Variants in ST7 observed in about 807,000 individuals in gnomAD.
The protein encoded by ST7 is suppression of tumorigenicity 7, also known as suppressor of tumorigenicity 7 protein.
A neutral mutation model predicts 78.7 loss-of-function variants in ST7; 28 were observed. The observed-to-expected ratio is 0.36, with a 90% CI of 0.26 to 0.49. The LOEUF (loss-of-function observed/expected upper bound fraction) is 0.49, where lower values mean the gene tolerates loss of function less well. ST7 is among the 20% of genes least tolerant of loss of function. The pLI, the probability that ST7 is intolerant of heterozygous loss-of-function variation, is 0.99. For synonymous variants in ST7, 247 were observed against 249.6 expected, an observed-to-expected ratio of 0.99 and a Z score of 0.10; for missense variants, 418 against 696.0, an observed-to-expected ratio of 0.60 and a Z score of 4.49.
chr7:116,962,770 G>A (rs1182106367), intron 1 of ST7, among the ~76,000 whole-genome samples: 1 of 152,138 alleles, frequency 6.6e-6, no homozygotes, highest in African/African-American at 2.4e-5. Context: ...CTTTTGCTGT[G>A]CAGAAGCTCT....
intron 1 of ST7, among the ~76,000 whole-genome samples, chr7:117,092,533 G>A (rs1049885783): frequency 2.6e-5 from 4 of 152,126 alleles, no homozygotes; most frequent in Non-Finnish European, 2.9e-5. Context: ...AATGAGGAAG[G>A]GCAGAAGTAA....
intron 2 of ST7, among the ~76,000 whole-genome samples, chr7:117,117,207 TA>T (rs1408217060): frequency 6.6e-6 from 1 of 152,204 alleles, no homozygotes; most frequent in African/African-American, 2.4e-5. Context: ...AGGTCCTTTT[TA>T]GCGCTGACAC....
At chr7:117,011,435 G>A (rs990294088) in intron 1 of ST7, among the ~76,000 whole-genome samples, 4 of 152,206 alleles carry the variant, frequency 2.6e-5, no homozygotes, top group African/African-American at 9.7e-5. Context: ...TTAAAGTAGA[G>A]TCCAAGATTA....
chr7:116,966,198 C>T, intron 1 of ST7: 2 of 293,890 alleles, frequency 6.8e-6, no homozygotes, highest in South Asian at 3.2e-5. Context: ...TTATTTGTTG[C>T]AGTTATTAAT....
chr7:117,213,291 C>T (rs1269083266), intron 13 of ST7, among the ~76,000 whole-genome samples: 1 of 152,176 alleles, frequency 6.6e-6, no homozygotes, highest in African/African-American at 2.4e-5. Flanking sequence ...TTCCCCAACT[C>T]CCTTCCAACT....
intron 15 of ST7, among the ~76,000 whole-genome samples, chr7:117,225,169 T>C (rs1348242504): frequency 6.6e-6 from 1 of 152,208 alleles, no homozygotes; most frequent in Non-Finnish European, 1.5e-5. Flanking sequence ...GCCGTACAGC[T>C]GTGCTTCCAG....
chr7:117,048,190 T>C (rs1190493998), intron 1 of ST7, among the ~76,000 whole-genome samples: 1 of 152,084 alleles, frequency 6.6e-6, no homozygotes, highest in Non-Finnish European at 1.5e-5. Flanking sequence ...GAGTTGATCT[T>C]GCTGTCTCAG....
chr7:117,223,051 C>G (rs929072395), intron 15 of ST7: 4 of 1,111,242 alleles, frequency 3.6e-6, no homozygotes, highest in African/African-American at 1.5e-5. Flanking sequence ...GCCATCCACC[C>G]CGTTGCTCAA....
At chr7:117,025,631 A>G (rs1279131701) in intron 1 of ST7, among the ~76,000 whole-genome samples, 2 of 152,206 alleles carry the variant, frequency 1.3e-5, no homozygotes, top group Non-Finnish European at 2.9e-5. Flanking sequence ...CAGACTGCTG[A>G]AGTCACAAAC....
At chr7:117,176,698 A>T (rs1808366673) in intron 10 of ST7, among the ~76,000 whole-genome samples, 1 of 152,170 alleles carries the variant, frequency 6.6e-6, no homozygotes, top group African/African-American at 2.4e-5. Context: ...AATAGGAAGG[A>T]TGTGAGATGT....
intron 1 of ST7, among the ~76,000 whole-genome samples, chr7:117,003,890 G>T (rs982610382): frequency 6.6e-6 from 1 of 152,162 alleles, no homozygotes; most frequent in African/African-American, 2.4e-5. Flanking sequence ...GGGTGTCTTT[G>T]CAGGGTGACT....
At chr7:117,045,510 C>T (rs865927394) in intron 1 of ST7, among the ~76,000 whole-genome samples, 8 of 152,244 alleles carry the variant, frequency 5.3e-5, no homozygotes, top group East Asian at 1.9e-4. Flanking sequence ...TTTGAGCAAA[C>T]GGTATCTTCT....
rs549428102 is a variant in ST7, at chr7:117,023,633, G to A, written c.151+69942G>A. Among the ~76,000 whole-genome samples the A allele has an allele frequency of 1.7e-3, 257 of 152,306 alleles. 1 individual carries two copies. The highest frequency in any genetic ancestry group is 5.7e-3 in the African/African-American group (235 of 41,568). ...AAGTTTCCCATGTCTAAAAATGGGA[G>A]TAGCGTGTCTGCTCTTTAACTGCTT... On this transcript the variant is annotated intron_variant, in intron 1 of 15. Transcript: ENST00000323984.
chr7:117,090,431 A>G (rs547106633), intron 1 of ST7, among the ~76,000 whole-genome samples: 32 of 152,190 alleles, frequency 2.1e-4, no homozygotes, highest in Admixed American at 8.5e-4. Context: ...AACATTGAGT[A>G]CTGTGTGGAC....
At chr7:117,194,884 T>G (rs1400904480) in intron 12 of ST7, among the ~76,000 whole-genome samples, 1 of 152,190 alleles carries the variant, frequency 6.6e-6, no homozygotes, top group Non-Finnish European at 1.5e-5. Context: ...AGCGCTTATG[T>G]GCTCTTAGTA....
At chr7:117,225,195 T>A (rs1216092660) in intron 15 of ST7, among the ~76,000 whole-genome samples, 1 of 151,868 alleles carries the variant, frequency 6.6e-6, no homozygotes, top group Non-Finnish European at 1.5e-5. Flanking sequence ...CGGAGAGGGG[T>A]GTTCATTAAG....
chr7:117,139,098 A>C (rs1805050741), intron 9 of ST7, among the ~76,000 whole-genome samples: 1 of 152,202 alleles, frequency 6.6e-6, no homozygotes, highest in South Asian at 2.1e-4. Context: ...AGAAGAGAGC[A>C]AATAGGTGGA....
intron 9 of ST7, among the ~76,000 whole-genome samples, chr7:117,152,311 G>C (rs186480540): frequency 8.5e-4 from 127 of 149,754 alleles, no homozygotes; most frequent in African/African-American, 2.6e-3. Flanking sequence ...TTGGGGCAAT[G>C]AGAAGTGTTG....
At chr7:116,961,703 G>C (rs1792838211) in intron 1 of ST7, among the ~76,000 whole-genome samples, 1 of 151,710 alleles carries the variant, frequency 6.6e-6, no homozygotes, top group East Asian at 1.9e-4. Flanking sequence ...TATATCCTGA[G>C]ACTTTGCTAA....
Sources: allele counts gnomAD v4.1 joint callset (sites outside exome capture counted in the v4.1 genomes callset), GRCh38; gene constraint gnomAD v4.1.1; transcripts MANE v1.5; gene names NCBI Gene and HGNC (gene_info 2026-07-23, HGNC 2026-07-21).